ADCY9: variants seen among roughly 807,000 people sequenced by gnomAD.
The protein encoded by ADCY9 is adenylate cyclase 9, also known as adenylate cyclase type 9.
In ADCY9, 50 loss-of-function variants were observed where a neutral mutation model predicts 101.5. The ratio of observed to expected loss-of-function variants is 0.49; its 90% CI spans 0.39 to 0.62. The LOEUF (loss-of-function observed/expected upper bound fraction) is 0.62, where lower values mean the gene tolerates loss of function less well. Among genes scored for constraint, ADCY9 ranks in the 20% least tolerant of loss-of-function variants. ADCY9 has a pLI of 0.00. For missense variants in ADCY9, 1,662 were observed against 1,800.4 expected (o/e 0.92, Z 1.39); for synonymous variants, 905 against 769.3 (o/e 1.18, Z -2.92).
At chr16:3,994,558 C>A (rs2056272469) in intron 3 of ADCY9, among the ~76,000 whole-genome samples, 1 of 152,198 alleles carries the variant, frequency 6.6e-6, no homozygotes, top group African/African-American at 2.4e-5. Context: ...TGGGTTCAAG[C>A]GATTCTCCTG....
chr16:3,995,254 C>G (rs888593862), intron 3 of ADCY9, among the ~76,000 whole-genome samples: 3 of 152,014 alleles, frequency 2.0e-5, no homozygotes, highest in Admixed American at 1.3e-4. Context: ...ATGGCAAAAC[C>G]CTGCCTCAAC....
intron 2 of ADCY9, among the ~76,000 whole-genome samples, chr16:4,017,059 G>A (rs915613971): frequency 6.6e-6 from 1 of 152,124 alleles, no homozygotes; most frequent in Admixed American, 6.6e-5. Flanking sequence ...AGCTACTTGG[G>A]AGGCTGAGGC....
chr16:4,110,239 C>T (rs1024690141), intron 2 of ADCY9, among the ~76,000 whole-genome samples: 3 of 152,130 alleles, frequency 2.0e-5, no homozygotes, highest in Non-Finnish European at 4.4e-5. Context: ...AAGGGTGAGC[C>T]GGTGGCAGGA....
intron 2 of ADCY9, among the ~76,000 whole-genome samples, chr16:4,051,397 G>A (rs1597193281): frequency 2.0e-5 from 3 of 152,038 alleles, no homozygotes. Flanking sequence ...GGTGGCGGGC[G>A]CCTGTAGTCC....
intron 2 of ADCY9, among the ~76,000 whole-genome samples, chr16:4,073,533 T>C (rs2056848121): frequency 6.6e-6 from 1 of 152,126 alleles, no homozygotes; most frequent in Non-Finnish European, 1.5e-5. Context: ...GTAGCTGGGA[T>C]GACAGGCTCT....
intron 2 of ADCY9, among the ~76,000 whole-genome samples, chr16:4,032,293 A>C (rs2056560915): frequency 6.6e-6 from 1 of 151,728 alleles, no homozygotes; most frequent in Admixed American, 6.6e-5. Context: ...CATCTCAAAA[A>C]AAAAAAGAAA....
intron 2 of ADCY9, among the ~76,000 whole-genome samples, chr16:4,047,957 C>A (rs970949347): frequency 2.0e-5 from 3 of 152,188 alleles, no homozygotes; most frequent in African/African-American, 7.2e-5. Flanking sequence ...TGGGAGTGAG[C>A]CCTGGAGGTT....
intron 10 of ADCY9, 105 bp downstream of exon 10, chr16:3,974,564 G>A: frequency 1.1e-6 from 1 of 901,180 alleles, no homozygotes; most frequent in Non-Finnish European, 1.8e-6. Flanking sequence ...TGCACGTATT[G>A]TTCCTTTTAT....
At position 3,970,301 on chromosome 16, in the gene ADCY9, G is replaced by A. The variant is rs565384762; in HGVS notation, c.2871-3335C>T. Among the ~76,000 whole-genome samples the A allele has an allele frequency of 1.8e-3, 278 of 152,276 alleles. 1 individual carries two copies. The highest frequency in any genetic ancestry group is 6.4e-3 in the African/African-American group (267 of 41,546). On this transcript the variant is annotated intron_variant, in intron 10 of 10. Coordinates refer to ENST00000294016, the MANE Select transcript of ADCY9 (RefSeq NM_001116.4). Reference sequence around the variant, plus strand: ...CTGCCTTAGCCTCCCCAAGTGCTGGGATTACAGGGATGAGCCACCACGCCT... The same window carrying A: ...CTGCCTTAGCCTCCCCAAGTGCTGGAATTACAGGGATGAGCCACCACGCCT...
At chr16:3,979,690 G>A (rs1447528075) in intron 7 of ADCY9, among the ~76,000 whole-genome samples, 4 of 152,238 alleles carry the variant, frequency 2.6e-5, no homozygotes, top group South Asian at 2.1e-4. Context: ...TGTGGAGCCC[G>A]TGCAGTTGTC....
chr16:4,074,174 C>T (rs2056851945), intron 2 of ADCY9, among the ~76,000 whole-genome samples: 1 of 151,770 alleles, frequency 6.6e-6, no homozygotes, highest in Non-Finnish European at 1.5e-5. Context: ...ATATAAAATA[C>T]ATTATTATGA....
chr16:3,960,166 G>C (rs1399014905), downstream of ADCY9, among the ~76,000 whole-genome samples: 5 of 152,268 alleles, frequency 3.3e-5, no homozygotes, highest in South Asian at 2.1e-4. Context: ...TCTCTCCTCT[G>C]GTTACCGTGG....
intron 2 of ADCY9, among the ~76,000 whole-genome samples, chr16:4,012,425 G>A (rs1326005806): frequency 6.7e-6 from 1 of 148,518 alleles, no homozygotes; most frequent in Non-Finnish European, 1.5e-5. Flanking sequence ...CCACACACAT[G>A]GACCCTGGGG....
intron 5 of ADCY9, among the ~76,000 whole-genome samples, chr16:3,989,616 G>C (rs2141699400): frequency 6.6e-6 from 1 of 152,318 alleles, no homozygotes; most frequent in East Asian, 1.9e-4. Context: ...CTGGGCTCAA[G>C]AGATCCACCC....
chr16:3,971,362 G>A (rs949592180), intron 10 of ADCY9, among the ~76,000 whole-genome samples: 5 of 152,140 alleles, frequency 3.3e-5, no homozygotes, highest in African/African-American at 9.7e-5. Context: ...TAATCACAGC[G>A]GTGAGAGAGC....
chr16:4,072,850 A>G (rs2056842960), intron 2 of ADCY9, among the ~76,000 whole-genome samples: 1 of 152,098 alleles, frequency 6.6e-6, no homozygotes, highest in Admixed American at 6.5e-5. Flanking sequence ...GAAACATATT[A>G]CATTCAGAGG....
intron 5 of ADCY9, among the ~76,000 whole-genome samples, chr16:3,955,228 A>T (rs2055900959): frequency 1.3e-5 from 2 of 152,164 alleles, no homozygotes; most frequent in African/African-American, 4.8e-5. Context: ...CTCATTAAAA[A>T]AAAAAAAGTA....
At chr16:3,979,055 G>A (rs1043067673) in intron 8 of ADCY9, 61 bp downstream of exon 8, 3 of 1,596,836 alleles carry the variant, frequency 1.9e-6, no homozygotes, top group Non-Finnish European at 2.6e-6. Context: ...GTGATTTAAA[G>A]AAAAGAGAGA....
At chr16:4,078,027 A>G (rs1426762182) in intron 2 of ADCY9, among the ~76,000 whole-genome samples, 2 of 151,960 alleles carry the variant, frequency 1.3e-5, no homozygotes, top group Non-Finnish European at 2.9e-5. Flanking sequence ...CAGACACAAT[A>G]AGCATTCAAT....
Sources: allele counts gnomAD v4.1 joint callset (sites outside exome capture counted in the v4.1 genomes callset), GRCh38; gene constraint gnomAD v4.1.1; transcripts MANE v1.5; gene names NCBI Gene and HGNC (gene_info 2026-07-23, HGNC 2026-07-21).